KDM2B: variants seen among roughly 807,000 people sequenced by gnomAD.
The protein encoded by KDM2B is lysine demethylase 2B.
KDM2B carries 26 observed loss-of-function variants against 150.0 expected under a neutral mutation model. The ratio of observed to expected loss-of-function variants is 0.17; its 90% CI spans 0.13 to 0.24. The LOEUF is 0.24. KDM2B is among the 10% of genes least tolerant of loss of function. KDM2B has a pLI of 1.00. For missense variants in KDM2B, 1,265 were observed against 1,816.9 expected, an observed-to-expected ratio of 0.70 and a Z score of 5.52; for synonymous variants, 734 against 729.5, an observed-to-expected ratio of 1.01 and a Z score of -0.10.
intron 11 of KDM2B, among the ~76,000 whole-genome samples, chr12:121,501,142 G>A (rs1884505397): frequency 6.6e-6 from 1 of 152,110 alleles, no homozygotes; most frequent in Non-Finnish European, 1.5e-5. Flanking sequence ...CCTGAATTTA[G>A]GGTAGACCCT....
At chr12:121,545,723 T>G (rs557859802) in intron 6 of KDM2B, among the ~76,000 whole-genome samples, 21 of 152,274 alleles carry the variant, frequency 1.4e-4, no homozygotes, top group African/African-American at 4.8e-4. Context: ...CAAGAGGACC[T>G]GCAGAATGCA....
the KDM2B span, among the ~76,000 whole-genome samples, chr12:121,419,133 G>A: frequency 3.9e-5 from 6 of 152,170 alleles, 1 homozygote; most frequent in South Asian, 1.0e-3. Context: ...CAGTGGTTCT[G>A]TAAGATTATA....
At chr12:121,574,124 C>T (rs917695099) in intron 4 of KDM2B, among the ~76,000 whole-genome samples, 1 of 152,102 alleles carries the variant, frequency 6.6e-6, no homozygotes, top group Non-Finnish European at 1.5e-5. Context: ...TTGCTGAGCT[C>T]GCAGTTCCAA....
At position 121,519,832 on chromosome 12, in the gene KDM2B, A is replaced by G. The variant is rs79248214; in HGVS notation, c.1047+1153T>C. Among the ~76,000 whole-genome samples, 1,494 of 152,314 alleles carry G rather than the reference A, an allele frequency of 9.8e-3. 14 individuals are homozygous for G. The highest frequency in any genetic ancestry group is 0.024 in the Middle Eastern group (7 of 294). ...AATATTTGAATAGCTGTGTTGAAAA[A>G]ACAGGAACAAGTAGAACAAGAAATG... On this transcript the variant is annotated intron_variant, in intron 9 of 22. Transcript: ENST00000377071.
intron 21 of KDM2B, chr12:121,440,403 G>C (rs906447458): frequency 4.9e-5 from 21 of 429,414 alleles, no homozygotes; most frequent in African/African-American, 4.2e-4. Context: ...AGGCAGTCCA[G>C]CCCAGTCCAG....
chr12:121,441,966 G>C (rs536736640), intron 19 of KDM2B, among the ~76,000 whole-genome samples, 191 bp downstream of exon 19: 1 of 152,234 alleles, frequency 6.6e-6, no homozygotes, highest in African/African-American at 2.4e-5. Flanking sequence ...AAGCTAAATC[G>C]GAATAAACGG....
In KDM2B at chr12:121,442,982, A is replaced by G; in HGVS notation, c.2604+10T>C. 2 of 1,613,062 alleles carry G rather than the reference A, an allele frequency of 1.2e-6. No homozygotes were observed. Among genetic ancestry groups the G allele is most frequent in the Non-Finnish European group, 1.7e-6 (2 of 1,179,616 alleles). Reference sequence around the variant, plus strand: ...AGGCCTGGGGCACAGGAGGGAGGGGAAGATGGTACCTTTTTCCTGAAAAGC... The same window carrying G: ...AGGCCTGGGGCACAGGAGGGAGGGGGAGATGGTACCTTTTTCCTGAAAAGC... On this transcript the variant is annotated intron_variant, in intron 18 of 22. Coordinates refer to ENST00000377071, the MANE Select transcript of KDM2B (RefSeq NM_032590.5). The surrounding 1 kb of genome is among the most constrained non-coding windows in gnomAD (Gnocchi z 7.7).
At chr12:121,408,836 A>T in the KDM2B span, among the ~76,000 whole-genome samples, 6 of 152,330 alleles carry the variant, frequency 3.9e-5, no homozygotes, top group East Asian at 1.2e-3. Flanking sequence ...TAAGGTGGGA[A>T]ATAAAAGTTG....
At chr12:121,526,183 C>T (rs1887113732) in intron 8 of KDM2B, among the ~76,000 whole-genome samples, 2 of 152,158 alleles carry the variant, frequency 1.3e-5, no homozygotes, top group Non-Finnish European at 2.9e-5. Context: ...GAAACCCCGT[C>T]TCTACTAAAA....
intron 9 of KDM2B, chr12:121,516,651 T>C: frequency 2.8e-6 from 2 of 727,128 alleles, no homozygotes; most frequent in Non-Finnish European, 4.4e-6. Flanking sequence ...GCTCCCAGCC[T>C]GCAGGTCATC....
chr12:121,455,872 A>C (rs1403090271), intron 12 of KDM2B, among the ~76,000 whole-genome samples: 1 of 152,200 alleles, frequency 6.6e-6, no homozygotes, highest in Non-Finnish European at 1.5e-5. Flanking sequence ...AAACGAGATC[A>C]GTTTTCAGAG....
At chr12:121,421,679 CTTT>C in the KDM2B span, among the ~76,000 whole-genome samples, 1 of 151,872 alleles carries the variant, frequency 6.6e-6, no homozygotes, top group Non-Finnish European at 1.5e-5. Flanking sequence ...TTATTTTTTT[CTTT>C]TTAATTGTAA....
chr12:121,548,781 C>T (rs1220415615), intron 6 of KDM2B, 96 bp downstream of exon 6: 1 of 898,946 alleles, frequency 1.1e-6, no homozygotes, highest in Non-Finnish European at 1.8e-6. Flanking sequence ...ACGCTCAAGC[C>T]TTCACTGATG....
rs1198530524 is a variant in KDM2B, at chr12:121,430,656, C to T, written c.3830-187G>A. 1.7e-5 allele frequency: 10 copies of T among 600,054 alleles called. No homozygotes were observed. The highest frequency in any genetic ancestry group is 2.9e-5 in the Admixed American group (1 of 34,090). 37.2% of individuals were successfully genotyped at this position (600,054 alleles called of 1,614,324 possible). On this transcript the variant is annotated intron_variant, in intron 22 of 22. Transcript: ENST00000377071. This position sits in a 1 kb window ranked among gnomAD's most constrained non-coding sequence, Gnocchi z 4.4. The stretch of plus-strand genomic sequence containing the variant: ...TCTTCAAACGGGGAAGGGTCTCACC[C>T]GCCAGGTATAAAGGTTAATATATGC...
At position 121,453,731 on chromosome 12, in the gene KDM2B, A is replaced by G. The variant is rs782121745; in HGVS notation, c.1735-387T>C. Among the ~76,000 whole-genome samples, 1 of 152,154 alleles carries G rather than the reference A, an allele frequency of 6.6e-6. No homozygotes were observed. The highest frequency in any genetic ancestry group is 1.5e-5 in the Non-Finnish European group (1 of 68,024). ...GAGGCGCGGGGAAGGACCCTCCCCT[A>G]GAGCCCGCAGAGCCAGCCCGGCCCG... On this transcript the variant is annotated intron_variant, in intron 12 of 22. Coordinates refer to ENST00000377071, the MANE Select transcript of KDM2B (RefSeq NM_032590.5). The surrounding 1 kb of genome is among the most constrained non-coding windows in gnomAD (Gnocchi z 6.4).
At chr12:121,510,181 C>T (rs782114383) in intron 10 of KDM2B, 142 bp from the exon 11 acceptor site, 21 of 729,038 alleles carry the variant, frequency 2.9e-5, no homozygotes, top group Non-Finnish European at 4.0e-5. Flanking sequence ...CCTCCAGCCT[C>T]TGGAAAGGCC....
chr12:121,414,313 G>A, the KDM2B span, among the ~76,000 whole-genome samples: 2 of 152,198 alleles, frequency 1.3e-5, no homozygotes, highest in Non-Finnish European at 2.9e-5. Context: ...TAGGACAAAG[G>A]CAAAAGCCTA....
intron 10 of KDM2B, among the ~76,000 whole-genome samples, chr12:121,511,554 G>A (rs559551222): frequency 1.2e-3 from 177 of 152,308 alleles, no homozygotes; most frequent in African/African-American, 4.0e-3. Flanking sequence ...CCAAAGTGCT[G>A]GGATTACAGG....
the KDM2B span, among the ~76,000 whole-genome samples, chr12:121,414,692 A>T: frequency 6.6e-6 from 1 of 152,092 alleles, no homozygotes; most frequent in African/African-American, 2.4e-5. Context: ...TGTTTTTTCG[A>T]GATGGACTCT....
Sources: allele counts gnomAD v4.1 joint callset (sites outside exome capture counted in the v4.1 genomes callset), GRCh38; gene constraint gnomAD v4.1.1; non-coding constraint Gnocchi (gnomAD v3.1); transcripts MANE v1.5; gene names NCBI Gene and HGNC (gene_info 2026-07-23, HGNC 2026-07-21).